GALNT2: variants seen among roughly 807,000 people sequenced by gnomAD.
GALNT2 encodes UDP-GalNAc:polypeptide N-acetylgalactosaminyltransferase 2.
A neutral mutation model predicts 81.4 loss-of-function variants in GALNT2; 31 were observed. That is an observed-to-expected ratio of 0.38 (90% CI 0.29 to 0.51). The LOEUF (loss-of-function observed/expected upper bound fraction) is 0.51, where lower values mean the gene tolerates loss of function less well. Ranked by LOEUF, GALNT2 falls within the 20% of genes least tolerant of loss-of-function variation. GALNT2 has a pLI of 0.87. For synonymous variants in GALNT2, 303 were observed against 287.4 expected, an observed-to-expected ratio of 1.05 and a Z score of -0.55; for missense variants, 629 against 765.7, an observed-to-expected ratio of 0.82 and a Z score of 2.11.
At chr1:230,071,283 T>C (rs1376134796) in intron 1 of GALNT2, among the ~76,000 whole-genome samples, 1 of 152,186 alleles carries the variant, frequency 6.6e-6, no homozygotes. Flanking sequence ...TCTTAAATGC[T>C]GTTAGAGACG....
intron 1 of GALNT2, among the ~76,000 whole-genome samples, chr1:230,093,845 G>A (rs915687540): frequency 6.6e-6 from 1 of 152,204 alleles, no homozygotes; most frequent in African/African-American, 2.4e-5. Context: ...CTCGTTTTGT[G>A]TAAGTGCATG....
intron 1 of GALNT2, among the ~76,000 whole-genome samples, chr1:230,077,118 G>A (rs1659587623): frequency 6.6e-6 from 1 of 151,878 alleles, no homozygotes; most frequent in South Asian, 2.1e-4. Flanking sequence ...GTTGGGTAGG[G>A]GCATTTGTAT....
In GALNT2 at chr1:230,203,685, A is replaced by C. The variant is rs144174493; in HGVS notation, c.374+395A>C. Among the ~76,000 whole-genome samples, 458 of 152,346 alleles carry C rather than the reference A, an allele frequency of 3.0e-3. 7 individuals are homozygous for C. The highest frequency in any genetic ancestry group is 0.02 in the Admixed American group (303 of 15,314). Reference sequence around the variant, plus strand: ...AATCTAAATTCCTGCTTATTGTGACAGCTTATATTGGAAATGTTCTAAAGA... The same window carrying C: ...AATCTAAATTCCTGCTTATTGTGACCGCTTATATTGGAAATGTTCTAAAGA... On this transcript the variant is annotated intron_variant, in intron 3 of 15. Transcript: ENST00000366672.
At chr1:230,253,897 A>G (rs1558162965) in intron 10 of GALNT2, among the ~76,000 whole-genome samples, 1 of 151,934 alleles carries the variant, frequency 6.6e-6, no homozygotes, top group African/African-American at 2.4e-5. Flanking sequence ...TTTAGCTTCC[A>G]TGTATGGGTG....
intron 14 of GALNT2, among the ~76,000 whole-genome samples, chr1:230,274,171 G>A (rs1162421220): frequency 6.6e-6 from 1 of 152,232 alleles, no homozygotes; most frequent in Non-Finnish European, 1.5e-5. Context: ...GGCTAAAATA[G>A]TTAATAGTTT....
At chr1:230,129,160 C>T (rs990490790) in intron 1 of GALNT2, among the ~76,000 whole-genome samples, 2 of 152,234 alleles carry the variant, frequency 1.3e-5, no homozygotes, top group Non-Finnish European at 2.9e-5. Context: ...TAGGAATTAG[C>T]AAAACTTGTC....
intron 1 of GALNT2, among the ~76,000 whole-genome samples, chr1:230,130,495 G>T (rs1037526591): frequency 6.6e-6 from 1 of 152,168 alleles, no homozygotes; most frequent in Non-Finnish European, 1.5e-5. Flanking sequence ...GTTGGATGAG[G>T]TGCTTCAAGG....
At chr1:230,107,014 G>A (rs1214898362) in intron 1 of GALNT2, among the ~76,000 whole-genome samples, 1 of 152,206 alleles carries the variant, frequency 6.6e-6, no homozygotes, top group Non-Finnish European at 1.5e-5. Flanking sequence ...TCCCGGGGCT[G>A]GACAGAAGGA....
At chr1:230,255,547 G>A (rs1665686640) in intron 11 of GALNT2, 1 of 620,760 alleles carries the variant, frequency 1.6e-6, no homozygotes. Context: ...TGCTGAGTGA[G>A]AGAAGCAGTT....
intron 1 of GALNT2, among the ~76,000 whole-genome samples, chr1:230,076,243 A>C (rs986933350): frequency 6.6e-6 from 1 of 152,130 alleles, no homozygotes; most frequent in Non-Finnish European, 1.5e-5. Flanking sequence ...GAACAATCTC[A>C]TTTCTTGATT....
chr1:230,150,451 GT>G (rs1306131596), intron 1 of GALNT2, among the ~76,000 whole-genome samples: 1 of 152,172 alleles, frequency 6.6e-6, no homozygotes, highest in Non-Finnish European at 1.5e-5. Context: ...AAAAGACATA[GT>G]ACAACAACTC....
chr1:230,256,585 T>C (rs899353906), intron 11 of GALNT2, among the ~76,000 whole-genome samples: 2 of 152,132 alleles, frequency 1.3e-5, no homozygotes. Flanking sequence ...CCACAAGACA[T>C]CGTGACACAG....
Position 230,201,156 on chromosome 1 carries a change from G to A in GALNT2, c.221-1981G>A, listed in dbSNP as rs528310538. ...AGGATGGTCTTTGCACGGAAAACAT[G>A]TTTCCAGTAACATGTTTTGGAAACA... On this transcript the variant is annotated intron_variant, in intron 2 of 15. Transcript: ENST00000366672. Among the ~76,000 whole-genome samples, 124 of 152,276 alleles carry A rather than the reference G, an allele frequency of 8.1e-4. 1 individual carries two copies. Among genetic ancestry groups the A allele is most frequent in the Middle Eastern group, 6.8e-3 (2 of 294 alleles).
intron 7 of GALNT2, among the ~76,000 whole-genome samples, chr1:230,244,766 T>G (rs776304529): frequency 1.3e-5 from 2 of 152,206 alleles, no homozygotes; most frequent in African/African-American, 2.4e-5. Context: ...GCAAGGAAAG[T>G]TGTGTTCTTC....
chr1:230,239,264 A>G (rs1030677800), intron 6 of GALNT2, among the ~76,000 whole-genome samples: 4 of 152,084 alleles, frequency 2.6e-5, no homozygotes, highest in African/African-American at 9.7e-5. Flanking sequence ...TTGTATTAGG[A>G]TTCTCCAAAA....
At chr1:230,276,111 AT>A (rs1305193416) in intron 15 of GALNT2, among the ~76,000 whole-genome samples, 1 of 151,054 alleles carries the variant, frequency 6.6e-6, no homozygotes, top group Non-Finnish European at 1.5e-5. Flanking sequence ...ATATATACAT[AT>A]ATAGACACCA....
At chr1:230,188,942 C>A (rs1281343045) in intron 2 of GALNT2, among the ~76,000 whole-genome samples, 1 of 152,012 alleles carries the variant, frequency 6.6e-6, no homozygotes, top group East Asian at 1.9e-4. Flanking sequence ...ATCTGACCAG[C>A]CAGCCAGCTG....
chr1:230,100,996 C>A (rs1353586668), intron 1 of GALNT2, among the ~76,000 whole-genome samples: 1 of 152,072 alleles, frequency 6.6e-6, no homozygotes, highest in African/African-American at 2.4e-5. Flanking sequence ...ATAACAAATA[C>A]CATTGTGTTA....
Position 230,105,768 on chromosome 1 carries a change from C to T in GALNT2, c.126+38362C>T, listed in dbSNP as rs758267469. On this transcript the variant is annotated intron_variant, in intron 1 of 15. Coordinates refer to ENST00000366672, the MANE Select transcript of GALNT2 (RefSeq NM_004481.5). The stretch of plus-strand genomic sequence containing the variant: ...GGTTCATGTCCTGTTGGCTCATAAG[C>T]ATGATTATATCCATTATACAAACTG... Among the ~76,000 whole-genome samples the T allele has an allele frequency of 1.4e-4, 21 of 152,156 alleles. 1 individual carries two copies. Among genetic ancestry groups the T allele is most frequent in the Non-Finnish European group, 3.1e-4 (21 of 68,034 alleles).
Sources: gnomAD v4.1 joint callset for allele counts (sites outside exome capture counted in the v4.1 genomes callset) on GRCh38, gnomAD v4.1.1 for gene constraint, MANE v1.5 for transcripts, NCBI Gene and HGNC (gene_info 2026-07-23, HGNC 2026-07-21) for gene names.